TEAD4: variants seen among roughly 807,000 people sequenced by gnomAD.
The protein encoded by TEAD4 is TEA domain transcription factor 4, also known as transcriptional enhancer factor TEF-3.
In TEAD4, 36 loss-of-function variants were observed where a neutral mutation model predicts 52.4. That is an observed-to-expected ratio of 0.69 (90% CI 0.53 to 0.91). TEAD4 has a LOEUF of 0.91. Among genes scored for constraint, TEAD4 ranks in the 40% least tolerant of loss-of-function variants. The pLI, the probability that TEAD4 is intolerant of heterozygous loss-of-function variation, is 0.00. For synonymous variants in TEAD4, 220 were observed against 231.0 expected, an observed-to-expected ratio of 0.95 and a Z score of 0.43; for missense variants, 508 against 583.9, an observed-to-expected ratio of 0.87 and a Z score of 1.34.
At chr12:3,035,783 G>C (rs2098278990) in intron 10 of TEAD4, among the ~76,000 whole-genome samples, 1 of 141,176 alleles carries the variant, frequency 7.1e-6, no homozygotes, top group Non-Finnish European at 1.5e-5. Context: ...TCATACCACT[G>C]TACTCCAGCC....
In TEAD4 at chr12:3,037,887, G is replaced by A. The variant is rs548978175; in HGVS notation, c.898-81G>A. 1.4e-5 allele frequency: 21 copies of A among 1,519,310 alleles called. 1 individual carries two copies. The highest frequency in any genetic ancestry group is 1.2e-4 in the African/African-American group (9 of 72,334). 94.1% of individuals were successfully genotyped at this position (1,519,310 alleles called of 1,614,324 possible). ...TCTTCCCAGCCCTAGAGCCGGGACC[G>A]GGACCCTGAGGTCTCCTTGATGCTC... On this transcript the variant is annotated intron_variant, in intron 10 of 12. Transcript: ENST00000359864.
intron 2 of TEAD4, among the ~76,000 whole-genome samples, chr12:2,979,480 G>T (rs1252582514): frequency 6.6e-6 from 1 of 152,236 alleles, no homozygotes; most frequent in Non-Finnish European, 1.5e-5. Context: ...GACCCAGGTA[G>T]ACGAAGTGCG....
intron 3 of TEAD4, among the ~76,000 whole-genome samples, chr12:2,998,664 A>AGG (rs2098249202): frequency 6.6e-6 from 1 of 152,082 alleles, no homozygotes; most frequent in Non-Finnish European, 1.5e-5. Context: ...CCCTTCAAGG[A>AGG]GGGAGGAATG....
At chr12:3,009,620 G>A (rs1317694453) in intron 3 of TEAD4, among the ~76,000 whole-genome samples, 1 of 152,196 alleles carries the variant, frequency 6.6e-6, no homozygotes, top group Non-Finnish European at 1.5e-5. Context: ...TGCTGCATGG[G>A]TGGCTTTAGT....
intron 2 of TEAD4, among the ~76,000 whole-genome samples, chr12:2,980,218 G>A (rs1399812792): frequency 6.6e-6 from 1 of 152,088 alleles, no homozygotes; most frequent in East Asian, 1.9e-4. Context: ...CAAACCCTGG[G>A]AACCCTGCCT....
At chr12:3,024,947 CTTT>C (rs201562197) in intron 10 of TEAD4, among the ~76,000 whole-genome samples, 202 of 137,014 alleles carry the variant, frequency 1.5e-3, no homozygotes, top group Middle Eastern at 3.6e-3. Context: ...ACGTGTTATT[CTTT>C]TTTTTTTTTT....
At chr12:3,023,456 T>C (rs935276716) in intron 10 of TEAD4, among the ~76,000 whole-genome samples, 1 of 152,066 alleles carries the variant, frequency 6.6e-6, no homozygotes, top group African/African-American at 2.4e-5. Flanking sequence ...ATGTTCATGG[T>C]TAAAATGTTA....
At chr12:3,016,272 C>G (rs2098264413) in intron 5 of TEAD4, among the ~76,000 whole-genome samples, 1 of 152,150 alleles carries the variant, frequency 6.6e-6, no homozygotes, top group Admixed American at 6.5e-5. Context: ...AAGCGATCTA[C>G]CAACCTCAGC....
chr12:3,018,486 A>G (rs2159411), intron 6 of TEAD4, 59 bp from the exon 7 acceptor site: 1,590,531 of 1,610,302 alleles, frequency 0.99, 787,473 homozygotes, highest in East Asian at 1. Context: ...CCACCCCCAC[A>G]CCACAGGGCC....
intron 6 of TEAD4, among the ~76,000 whole-genome samples, chr12:3,018,254 CT>C (rs2098266006): frequency 6.6e-6 from 1 of 152,208 alleles, no homozygotes; most frequent in African/African-American, 2.4e-5. Context: ...GGCACTGGGA[CT>C]TTTCTGAGCC....
intron 2 of TEAD4, among the ~76,000 whole-genome samples, chr12:2,966,944 C>G (rs968430255): frequency 6.6e-6 from 1 of 152,074 alleles, no homozygotes; most frequent in Non-Finnish European, 1.5e-5. Flanking sequence ...CGACCTCAGG[C>G]GATCCACCTG....
chr12:3,020,578 G>T, intron 8 of TEAD4, 56 bp from the exon 9 acceptor site: 1 of 1,471,574 alleles, frequency 6.8e-7, no homozygotes, highest in Non-Finnish European at 9.0e-7. Flanking sequence ...TGCAGAGGGT[G>T]CGGGCAGGGC....
At chr12:2,973,317 C>T (rs193089321) in intron 2 of TEAD4, among the ~76,000 whole-genome samples, 14 of 152,306 alleles carry the variant, frequency 9.2e-5, no homozygotes, top group African/African-American at 2.9e-4. Context: ...GCAGTCCACC[C>T]GCCTCGCCTC....
In TEAD4 at chr12:2,994,590, C is replaced by A; in HGVS notation, c.-29-148C>A. The A allele has an allele frequency of 3.6e-6, 4 of 1,113,942 alleles. No homozygotes were observed. The highest frequency in any genetic ancestry group is 4.9e-6 in the Non-Finnish European group (4 of 811,270). The allele number at this position is 1,113,942 out of a possible 1,614,324, so 69.0% of individuals were successfully genotyped here. On this transcript the variant is annotated intron_variant, in intron 2 of 12. Coordinates refer to ENST00000359864, the MANE Select transcript of TEAD4 (RefSeq NM_003213.4). This position sits in a 1 kb window ranked among gnomAD's most constrained non-coding sequence, Gnocchi z 4.7. ...CAGAGGGGATGGGACCTGTTCAAGA[C>A]CCCAGGCCTGATTCTCACAGATCTT...
intron 2 of TEAD4, among the ~76,000 whole-genome samples, chr12:2,979,356 G>A (rs1437184198): frequency 3.3e-5 from 5 of 152,222 alleles, no homozygotes; most frequent in Admixed American, 6.5e-5. Flanking sequence ...CTCAGGAACA[G>A]CAGACAGCAC....
At chr12:2,988,060 T>TC (rs1762138467) in intron 2 of TEAD4, among the ~76,000 whole-genome samples, 1 of 148,420 alleles carries the variant, frequency 6.7e-6, no homozygotes, top group Admixed American at 6.8e-5. Context: ...AGAACAAGAC[T>TC]CCATCTCAAA....
At chr12:3,026,229 A>G (rs2098272009) in intron 10 of TEAD4, among the ~76,000 whole-genome samples, 1 of 151,932 alleles carries the variant, frequency 6.6e-6, no homozygotes, top group African/African-American at 2.4e-5. Flanking sequence ...ATCCTCTACG[A>G]TTTTTACCAT....
rs1261537853 is a variant in TEAD4 at position 2,960,225 on chromosome 12, G to A, written c.-30+185G>A. Reference sequence around the variant, plus strand: ...AGGGGGGTGGACACTCGGGACTTTGGGGGAAAGGGAGGCCGGTGTGGAAAG... The same window carrying A: ...AGGGGGGTGGACACTCGGGACTTTGAGGGAAAGGGAGGCCGGTGTGGAAAG... On this transcript the variant is annotated intron_variant, in intron 2 of 12. Coordinates refer to ENST00000359864, the MANE Select transcript of TEAD4 (RefSeq NM_003213.4). 11 of 943,224 alleles carry A rather than the reference G, an allele frequency of 1.2e-5. No individual in the cohort carries two copies. In the East Asian group the frequency reaches 6.9e-4, roughly 60 times the overall value. 58.4% of individuals were successfully genotyped at this position (943,224 alleles called of 1,614,324 possible). A position where few individuals can be genotyped will look rare whatever the true frequency, so the allele number is the denominator to read the frequency against.
At chr12:3,020,573 A>T in intron 8 of TEAD4, 61 bp from the exon 9 acceptor site, 1 of 1,453,206 alleles carries the variant, frequency 6.9e-7, no homozygotes, top group Non-Finnish European at 9.1e-7. Flanking sequence ...GTCCTTGCAG[A>T]GGGTGCGGGC....
Sources: gnomAD v4.1 joint callset for allele counts (sites outside exome capture counted in the v4.1 genomes callset) on GRCh38, gnomAD v4.1.1 for gene constraint, Gnocchi (gnomAD v3.1) non-coding constraint, MANE v1.5 for transcripts, NCBI Gene and HGNC (gene_info 2026-07-23, HGNC 2026-07-21) for gene names.